The following TNRC6A variants were observed in gnomAD, a reference collection of about 807,000 sequenced individuals.
TNRC6A encodes trinucleotide repeat containing adaptor 6A.
TNRC6A carries 44 observed loss-of-function variants against 221.2 expected under a neutral mutation model. The ratio of observed to expected loss-of-function variants is 0.20; its 90% CI spans 0.16 to 0.26. TNRC6A has a LOEUF of 0.26. Ranked by LOEUF, TNRC6A falls within the 10% of genes least tolerant of loss-of-function variation. TNRC6A has a pLI of 1.00. For missense variants in TNRC6A, 2,199 were observed against 2,404.4 expected (o/e 0.91, Z 1.79); for synonymous variants, 847 against 838.5 (o/e 1.01, Z -0.18).
intron 2 of TNRC6A, among the ~76,000 whole-genome samples, chr16:24,703,000 A>C (rs1225908278): frequency 6.6e-6 from 1 of 152,076 alleles, no homozygotes; most frequent in Non-Finnish European, 1.5e-5. Flanking sequence ...GCGCCACTGC[A>C]CTCCAGCCTG....
chr16:24,730,164 G>A, intron 1 of TNRC6A, 89 bp from the exon 2 acceptor site: 1 of 1,327,154 alleles, frequency 7.5e-7, no homozygotes, highest in African/African-American at 1.5e-5. Context: ...CCCGGCGCGA[G>A]CCTCTGCCGC....
intron 2 of TNRC6A, chr16:24,664,829 C>G: frequency 2.2e-6 from 1 of 449,176 alleles, no homozygotes; most frequent in South Asian, 1.6e-5. Flanking sequence ...TATAAGAAAT[C>G]CCAGAAACCT....
At chr16:24,725,721 C>T (rs993206322), upstream of TNRC6A, among the ~76,000 whole-genome samples, 7 of 151,574 alleles carry the variant, frequency 4.6e-5, no homozygotes, top group African/African-American at 1.5e-4. Context: ...AAAAAAAAAT[C>T]GGCCAGGCAC....
At position 24,792,763 on chromosome 16, in the gene TNRC6A, G is replaced by C. The variant is rs144020343; in HGVS notation, c.3176-710G>C. 2.5e-4 allele frequency among the ~76,000 whole-genome samples: 38 copies of C among 150,990 alleles called. No homozygotes were observed. In the East Asian group the frequency reaches 4.9e-3, roughly 19 times the overall value. Reference sequence around the variant, plus strand: ...TTGTTTTTCCAGTGTAGGTGGTGTGGAAGGGGTACACTTGTGGCACAATTT... The same window carrying C: ...TTGTTTTTCCAGTGTAGGTGGTGTGCAAGGGGTACACTTGTGGCACAATTT... On this transcript the variant is annotated intron_variant, in intron 6 of 24. Coordinates refer to ENST00000395799, the MANE Select transcript of TNRC6A (RefSeq NM_014494.4).
At chr16:24,709,260 A>G (rs1367207574) in intron 2 of TNRC6A, among the ~76,000 whole-genome samples, 2 of 151,098 alleles carry the variant, frequency 1.3e-5, no homozygotes, top group East Asian at 1.9e-4. Context: ...TCTGTCTCAA[A>G]AAAAAAAAAA....
At position 24,817,072 on chromosome 16, in the gene TNRC6A, G is replaced by C. The variant is rs539648349; in HGVS notation, c.4972+116G>C. On this transcript the variant is annotated intron_variant, in intron 20 of 24. Coordinates refer to ENST00000395799, the MANE Select transcript of TNRC6A (RefSeq NM_014494.4). ...CCCAGGGTACTCTGGGATCACTTGAGCCCAGGAGCTTGAGGCAAGCCTGGG... is the reference window on the plus strand; with the variant it reads ...CCCAGGGTACTCTGGGATCACTTGACCCCAGGAGCTTGAGGCAAGCCTGGG... The C allele has an allele frequency of 8.9e-5, 99 of 1,112,112 alleles. No individual in the cohort carries two copies. The African/African-American group carries it at 1.4e-3, about 16-fold the overall frequency. 68.9% of individuals were successfully genotyped at this position (1,112,112 alleles called of 1,614,324 possible).
At chr16:24,816,613 G>C (rs1253514945) in intron 19 of TNRC6A, 2 of 571,722 alleles carry the variant, frequency 3.5e-6, no homozygotes, top group Non-Finnish European at 5.9e-6. Context: ...GATGATTTCA[G>C]TTGTAAAAAC....
intron 4 of TNRC6A, among the ~76,000 whole-genome samples, chr16:24,760,489 A>C (rs1420342586): frequency 6.6e-6 from 1 of 152,190 alleles, no homozygotes; most frequent in Non-Finnish European, 1.5e-5. Flanking sequence ...TATGAAGGTC[A>C]CTTCAGAATA....
intron 2 of TNRC6A, among the ~76,000 whole-genome samples, chr16:24,737,756 A>C (rs1158194882): frequency 1.3e-5 from 2 of 152,238 alleles, no homozygotes; most frequent in African/African-American, 4.8e-5. Context: ...AGTTTGCTGC[A>C]ATAATATTGA....
At chr16:24,660,728 CTTTTTTTTTTCTTTTTTTTTTTT>C (rs1050937823) in intron 2 of TNRC6A, among the ~76,000 whole-genome samples, 1 of 122,552 alleles carries the variant, frequency 8.2e-6, no homozygotes. Context: ...TTTCTTTTTT[CTTTTTTTTTTCTTTTTTTTTTTT>C]TTTTTTTTGA....
rs35502747 is a variant in TNRC6A at position 24,781,043 on chromosome 16, CTTTTTTTTTTTTT to C, written c.589+3698_589+3710del. Among the ~76,000 whole-genome samples, 19 of 53,424 alleles carry C rather than the reference CTTTTTTTTTTTTT, an allele frequency of 3.6e-4. 1 individual carries two copies. Among genetic ancestry groups the C allele is most frequent in the South Asian group, 9.2e-4 (1 of 1,086 alleles). The allele number at this position is 53,424 out of a possible 152,430, so 35.0% of individuals were successfully genotyped here. ...AAAAATTTTCTTAAGCCTCCATACT[CTTTTTTTTTTTTT>C]TTTTTTTTTTTTGGAGGAGACAGCG... On this transcript the variant is annotated intron_variant, in intron 5 of 24. Transcript: ENST00000395799.
intron 2 of TNRC6A, among the ~76,000 whole-genome samples, chr16:24,689,989 T>TAAAAAAAAAAA (rs60944175): frequency 2.1e-5 from 2 of 97,514 alleles, no homozygotes; most frequent in African/African-American, 7.2e-5. Context: ...AGGCTTAAAG[T>TAAAAAAAAAAA]AAAAAAAAAA....
intron 2 of TNRC6A, chr16:24,662,345 G>A (rs1315689182): frequency 2.6e-5 from 4 of 151,836 alleles, no homozygotes; most frequent in Admixed American, 6.6e-5. Context: ...TTAGCCAGGC[G>A]TGGTGGCGCA....
chr16:24,708,232 T>C (rs1249266427), intron 2 of TNRC6A, among the ~76,000 whole-genome samples: 1 of 146,290 alleles, frequency 6.8e-6, no homozygotes, highest in African/African-American at 2.6e-5. Context: ...TGGTTTTTGA[T>C]TACATGGATG....
rs764720870 is a variant in TNRC6A at position 24,790,451 on chromosome 16, C to T, written c.1809C>T (p.Thr603=). 1.9e-6 allele frequency: 3 copies of T among 1,614,154 alleles called. No homozygotes were observed. The highest frequency in any genetic ancestry group is 2.5e-6 in the Non-Finnish European group (3 of 1,180,036). The change falls in exon 6 of 25, where the codon ACC becomes ACT. Residue 603 remains threonine (T), a synonymous_variant. Coordinates refer to ENST00000395799, the MANE Select transcript of TNRC6A (RefSeq NM_014494.4). ...GAGGAAGTCGAAGAGGATGGGGAAC[C>T]CCTGCACAAAACACTGGCACTAATT... The part of the protein sequence containing the change: ...NSGGSRRGWG[T]PAQNTGTNLP...
intron 9 of TNRC6A, chr16:24,796,242 G>T (rs2058216991): frequency 3.1e-6 from 1 of 325,962 alleles, no homozygotes; most frequent in Non-Finnish European, 5.6e-6. Flanking sequence ...AAGAGATCTG[G>T]CTCTGTAGTT....
intron 22 of TNRC6A, among the ~76,000 whole-genome samples, chr16:24,821,210 G>A (rs1048865951): frequency 1.3e-5 from 2 of 152,178 alleles, no homozygotes; most frequent in African/African-American, 4.8e-5. Flanking sequence ...TTGGTTTGGT[G>A]TGAGTGGTTT....
chr16:24,614,898 C>T (rs1330065715), intron 1 of TNRC6A, among the ~76,000 whole-genome samples: 2 of 152,080 alleles, frequency 1.3e-5, no homozygotes, highest in Non-Finnish European at 2.9e-5. Flanking sequence ...AGTGAAACCT[C>T]GTCTCTACTA....
At position 24,645,365 on chromosome 16, in the gene TNRC6A, G is replaced by C. The variant is rs75461883; in HGVS notation, n.402+4356G>C. Among the ~76,000 whole-genome samples, 555 of 152,058 alleles carry C rather than the reference G, an allele frequency of 3.6e-3. 3 individuals carry two copies. The highest frequency in any genetic ancestry group is 0.013 in the African/African-American group (527 of 41,506). ...TATTAAAAATACAAAAATTAGTCCG[G>C]TGGTAGTGGTGCATGCCTGTAATCC... is the stretch of plus-strand genomic sequence containing the variant. On this transcript the variant is annotated intron_variant and non_coding_transcript_variant, in intron 2 of 2. Coordinates refer to the TNRC6A transcript ENST00000566108.
Sources: gnomAD v4.1 joint callset for allele counts (sites outside exome capture counted in the v4.1 genomes callset) on GRCh38, gnomAD v4.1.1 for gene constraint, MANE v1.5 for transcripts, NCBI Gene and HGNC (gene_info 2026-07-23, HGNC 2026-07-21) for gene names.